The following SLC43A2 variants were observed in gnomAD, a reference collection of about 807,000 sequenced individuals.
SLC43A2 encodes large neutral amino acids transporter small subunit 4.
A neutral mutation model predicts 63.2 loss-of-function variants in SLC43A2; 38 were observed. The ratio of observed to expected loss-of-function variants is 0.60; its 90% CI spans 0.46 to 0.79. SLC43A2 has a LOEUF of 0.79. Among genes scored for constraint, SLC43A2 ranks in the 30% least tolerant of loss-of-function variants. The pLI is 0.00. For synonymous variants in SLC43A2, 322 were observed against 331.0 expected (o/e 0.97, Z 0.30); for missense variants, 644 against 756.2 (o/e 0.85, Z 1.74).
chr17:1,602,088 G>A (rs1248431218), intron 5 of SLC43A2, among the ~76,000 whole-genome samples: 5 of 152,210 alleles, frequency 3.3e-5, no homozygotes, highest in Admixed American at 6.5e-5. Context: ...TACCCCAGGT[G>A]TGCGCCGCCC....
intron 1 of SLC43A2, chr17:1,628,489 G>A (rs566245625): frequency 2.6e-5 from 4 of 151,576 alleles, no homozygotes; most frequent in African/African-American, 7.3e-5. Context: ...CCGCCGTCTA[G>A]GTCGCTAGGC....
In SLC43A2 at chr17:1,605,080, A is replaced by G. The variant is rs1319207514; in HGVS notation, c.501+8115T>C. The stretch of plus-strand genomic sequence containing the variant: ...TGTTTCCTGACTCACCACCACACTC[A>G]CAGGTGGGAGTGCAAGCCCCTCTTC... On this transcript the variant is annotated intron_variant, in intron 5 of 13. Coordinates refer to ENST00000301335, the MANE Select transcript of SLC43A2 (RefSeq NM_152346.3). The surrounding 1 kb of genome is among the most constrained non-coding windows in gnomAD (Gnocchi z 4.9). 5.1e-6 allele frequency: 7 copies of G among 1,379,606 alleles called. No homozygotes were observed. Among genetic ancestry groups the G allele is most frequent in the Non-Finnish European group, 6.6e-6 (7 of 1,064,902 alleles). 85.5% of individuals were successfully genotyped at this position (1,379,606 alleles called of 1,614,324 possible). A position where few individuals can be genotyped will look rare whatever the true frequency, so the allele number is the denominator to read the frequency against.
Position 1,593,399 on chromosome 17 carries a change from A to T in SLC43A2, c.502-120T>A. 9.4e-6 allele frequency: 8 copies of T among 853,160 alleles called. No individual in the cohort carries two copies. The highest frequency in any genetic ancestry group is 1.5e-5 in the Non-Finnish European group (8 of 523,912). The allele number at this position is 853,160 out of a possible 1,614,324, so 52.8% of individuals were successfully genotyped here. On this transcript the variant is annotated intron_variant, in intron 5 of 13. Coordinates refer to ENST00000301335, the MANE Select transcript of SLC43A2 (RefSeq NM_152346.3). This position sits in a 1 kb window ranked among gnomAD's most constrained non-coding sequence, Gnocchi z 5.3. ...CTTCACCTGCGCCCCTTCCTGTGTGACTCACAGGGGCATTAGTTCAGGGGC... is the reference window on the plus strand; with the variant it reads ...CTTCACCTGCGCCCCTTCCTGTGTGTCTCACAGGGGCATTAGTTCAGGGGC...
intron 4 of SLC43A2, 81 bp from the exon 5 acceptor site, chr17:1,613,352 G>T: frequency 7.8e-7 from 1 of 1,279,446 alleles, no homozygotes; most frequent in Non-Finnish European, 1.1e-6. Flanking sequence ...GTCCTGCGCG[G>T]TGCAGGCTCC....
At chr17:1,597,722 T>G (rs551614930) in intron 5 of SLC43A2, among the ~76,000 whole-genome samples, 1 of 150,676 alleles carries the variant, frequency 6.6e-6, no homozygotes, top group South Asian at 2.1e-4. Context: ...TCACTTGAAC[T>G]TGGGAGGCAG....
At chr17:1,594,984 C>T (rs1045426296) in intron 5 of SLC43A2, among the ~76,000 whole-genome samples, 2 of 151,896 alleles carry the variant, frequency 1.3e-5, no homozygotes, top group African/African-American at 4.8e-5. Context: ...TAAGACCAGC[C>T]TGGACAACAT....
chr17:1,583,344 G>C lies in SLC43A2; in HGVS notation c.1218-8C>G. On this transcript the variant is annotated splice_region_variant and splice_polypyrimidine_tract_variant and intron_variant, in intron 10 of 13. Coordinates refer to ENST00000301335, the MANE Select transcript of SLC43A2 (RefSeq NM_152346.3). The surrounding 1 kb of genome is among the most constrained non-coding windows in gnomAD (Gnocchi z 5.5). ...TTCTTTTTCTTCTCGCCTCTGTGGA[G>C]ACACAGAACGTGCAGGGGTGGGAGG... The C allele has an allele frequency of 6.2e-7, 1 of 1,613,978 alleles. No homozygotes were observed. The highest frequency in any genetic ancestry group is 8.5e-7 in the Non-Finnish European group (1 of 1,179,918).
intron 2 of SLC43A2, among the ~76,000 whole-genome samples, chr17:1,619,320 A>G (rs1181687152): frequency 1.3e-5 from 2 of 152,158 alleles, no homozygotes; most frequent in Non-Finnish European, 2.9e-5. Flanking sequence ...AAACAGAACA[A>G]AACAAAACAA....
intron 5 of SLC43A2, among the ~76,000 whole-genome samples, chr17:1,602,706 A>T (rs1000595621): frequency 4.0e-5 from 6 of 151,344 alleles, no homozygotes; most frequent in Admixed American, 3.3e-4. Context: ...CTATGAATAA[A>T]TTTTCCTAGT....
chr17:1,604,716 G>T (rs1184319565), intron 5 of SLC43A2: 1 of 1,535,108 alleles, frequency 6.5e-7, no homozygotes. Flanking sequence ...GCTCCTTTTA[G>T]ACCCATCTGC....
Position 1,627,703 on chromosome 17 carries a change from C to T in SLC43A2, c.160+12G>A, listed in dbSNP as rs1451807369. 15 of 1,412,278 alleles carry T rather than the reference C, an allele frequency of 1.1e-5. No individual in the cohort carries two copies. Among genetic ancestry groups the T allele is most frequent in the South Asian group, 2.7e-5 (2 of 75,036 alleles). 87.5% of individuals were successfully genotyped at this position (1,412,278 alleles called of 1,614,324 possible). A position where few individuals can be genotyped will look rare whatever the true frequency, so the allele number is the denominator to read the frequency against. On this transcript the variant is annotated intron_variant, in intron 2 of 13. Transcript: ENST00000301335. ...TCCAGGAGCCCCCCGCAACCCCAGG[C>T]GCTTGTCTCACCTGGCTCGGTACAC... is the stretch of plus-strand genomic sequence containing the variant.
Position 1,611,066 on chromosome 17 carries a change from C to T in SLC43A2, c.501+2129G>A, listed in dbSNP as rs377676866. On this transcript the variant is annotated intron_variant, in intron 5 of 13. Coordinates refer to ENST00000301335, the MANE Select transcript of SLC43A2 (RefSeq NM_152346.3). Reference sequence around the variant, plus strand: ...TATCTTGGGCCAGGCTGGTCTCGAACTCCTGACCTCATGATCCACCACCCC... The same window carrying T: ...TATCTTGGGCCAGGCTGGTCTCGAATTCCTGACCTCATGATCCACCACCCC... 6.4e-4 allele frequency among the ~76,000 whole-genome samples: 97 copies of T among 152,170 alleles called. 2 individuals are homozygous for T. In the East Asian group the frequency reaches 0.015, roughly 24 times the overall value.
At chr17:1,591,724 TGG>T (rs552449883) in intron 6 of SLC43A2, 25 bp from the exon 7 acceptor site, 38 of 220,290 alleles carry the variant, frequency 1.7e-4, no homozygotes, top group African/African-American at 1.4e-3. Flanking sequence ...GGGGACGGGG[TGG>T]GGGGGGGAGG....
intron 2 of SLC43A2, among the ~76,000 whole-genome samples, chr17:1,618,390 C>T (rs1009941654): frequency 2.0e-5 from 3 of 152,360 alleles, no homozygotes; most frequent in African/African-American, 7.2e-5. Context: ...TTCTGGAGCT[C>T]ACCCAGGCAT....
chr17:1,592,742 C>T (rs1434868658), intron 6 of SLC43A2, among the ~76,000 whole-genome samples: 1 of 152,208 alleles, frequency 6.6e-6, no homozygotes, highest in Non-Finnish European at 1.5e-5. Flanking sequence ...CCCTGTGTGA[C>T]TTCCACAGGC....
In SLC43A2 at chr17:1,578,362, A is replaced by G. The variant is rs142217815; in HGVS notation, c.1351-39T>C. 3,536 of 1,599,792 alleles carry G rather than the reference A, an allele frequency of 2.2e-3. 75 individuals carry two copies. In the African/African-American group the frequency reaches 0.039, roughly 18 times the overall value. On this transcript the variant is annotated intron_variant, in intron 11 of 13. Coordinates refer to ENST00000301335, the MANE Select transcript of SLC43A2 (RefSeq NM_152346.3). The surrounding 1 kb of genome is among the most constrained non-coding windows in gnomAD (Gnocchi z 6.5). ...AGGCGACTGTGGGCATAAGGCCTTA[A>G]GGGACCGTCCCCTCAGCCCCCGCCC... is the stretch of plus-strand genomic sequence containing the variant.
At chr17:1,597,363 GGCATGGTGACGT>G (rs1905396706) in intron 5 of SLC43A2, among the ~76,000 whole-genome samples, 2 of 151,668 alleles carry the variant, frequency 1.3e-5, no homozygotes, top group African/African-American at 4.8e-5. Context: ...AAATTAGCCA[GGCATGGTGACGT>G]GCACCTGTAA....
Position 1,582,477 on chromosome 17 carries a change from GC to G in SLC43A2, c.1350+726del, listed in dbSNP as rs1458091809. On this transcript the variant is annotated intron_variant, in intron 11 of 13. Coordinates refer to ENST00000301335, the MANE Select transcript of SLC43A2 (RefSeq NM_152346.3). ...AGACTCTGGTGACAGGGGAGCAGAT[GC>G]TCCCACCAACACCACAGATTGGCCA... Among the ~76,000 whole-genome samples the G allele has an allele frequency of 3.4e-4, 52 of 152,308 alleles. 1 individual carries two copies. Among genetic ancestry groups the G allele is most frequent in the Admixed American group, 3.1e-3 (48 of 15,286 alleles).
chr17:1,625,652 A>C (rs2151084770), intron 2 of SLC43A2, among the ~76,000 whole-genome samples: 1 of 152,336 alleles, frequency 6.6e-6, no homozygotes, highest in East Asian at 1.9e-4. Flanking sequence ...ATCAAGGAGC[A>C]GTGTGACCAG....
Sources: allele counts gnomAD v4.1 joint callset (sites outside exome capture counted in the v4.1 genomes callset), GRCh38; gene constraint gnomAD v4.1.1; non-coding constraint Gnocchi (gnomAD v3.1); transcripts MANE v1.5; gene names NCBI Gene and HGNC (gene_info 2026-07-23, HGNC 2026-07-21).